Variants in CNPY1 observed in about 807,000 individuals in gnomAD.
CNPY1 encodes the protein canopy FGF signaling regulator 1.
CNPY1 carries 14 observed loss-of-function variants against 14.4 expected under a neutral mutation model. The ratio of observed to expected loss-of-function variants is 0.97; its 90% CI spans 0.64 to 1.52. CNPY1 has a LOEUF of 1.52. Among genes scored for constraint, CNPY1 ranks in the 40% most tolerant of loss-of-function variants. The pLI is 0.00. For missense variants in CNPY1, 129 were observed against 131.5 expected, an observed-to-expected ratio of 0.98 and a Z score of 0.09; for synonymous variants, 43 against 46.5, an observed-to-expected ratio of 0.92 and a Z score of 0.31.
chr7:155,521,236 G>A (rs889499821), intron 2 of CNPY1, among the ~76,000 whole-genome samples: 4 of 152,160 alleles, frequency 2.6e-5, no homozygotes, highest in Non-Finnish European at 5.9e-5. Context: ...CTCTGTGATT[G>A]TAGAGATCAC....
At position 155,501,442 on chromosome 7, in the gene CNPY1, C is replaced by T. The variant is rs573037757; in HGVS notation, c.*1626G>A. 7.2e-5 allele frequency: 11 copies of T among 152,270 alleles called. No homozygotes were observed. In the South Asian group the frequency reaches 8.3e-4, roughly 11 times the overall value. 9.4% of individuals were successfully genotyped at this position (152,270 alleles called of 1,614,324 possible). A position where few individuals can be genotyped will look rare whatever the true frequency, so the allele number is the denominator to read the frequency against. ...TTGGCAACACTTCTACGGTTACGAC[C>T]GTGAACAGTTTTCACTGAAGCTTAC... On this transcript the variant is annotated 3_prime_UTR_variant, in exon 5 of 5. Coordinates refer to ENST00000636446, the MANE Select transcript of CNPY1 (RefSeq NM_001393663.1).
intron 2 of CNPY1, among the ~76,000 whole-genome samples, chr7:155,512,099 T>G (rs1019173901): frequency 2.0e-5 from 3 of 152,132 alleles, no homozygotes; most frequent in African/African-American, 7.2e-5. Flanking sequence ...GAATAGTACT[T>G]GTCAATAAAG....
intron 2 of CNPY1, among the ~76,000 whole-genome samples, chr7:155,515,560 A>G (rs2116703738): frequency 6.6e-6 from 1 of 152,262 alleles, no homozygotes; most frequent in Middle Eastern, 3.4e-3. Context: ...CCTGATGTCC[A>G]GTCACAAATC....
intron 3 of CNPY1, among the ~76,000 whole-genome samples, chr7:155,507,625 A>G (rs183533494): frequency 2.6e-5 from 4 of 152,238 alleles, no homozygotes; most frequent in Non-Finnish European, 4.4e-5. Flanking sequence ...CGCATCTTCA[A>G]TTTCACTGTG....
intron 4 of CNPY1, among the ~76,000 whole-genome samples, chr7:155,505,614 C>T (rs1412535698): frequency 6.6e-6 from 1 of 152,200 alleles, no homozygotes; most frequent in Non-Finnish European, 1.5e-5. Flanking sequence ...CCTCCTGGAG[C>T]ATCTGAGAGA....
intron 2 of CNPY1, among the ~76,000 whole-genome samples, chr7:155,517,700 G>A (rs1796647897): frequency 6.6e-6 from 1 of 152,170 alleles, no homozygotes; most frequent in Non-Finnish European, 1.5e-5. Context: ...CTGGGCTCGG[G>A]GTCCGCCCAA....
intron 2 of CNPY1, among the ~76,000 whole-genome samples, chr7:155,523,788 G>C (rs572590528): frequency 6.6e-6 from 1 of 152,288 alleles, no homozygotes; most frequent in South Asian, 2.1e-4. Context: ...TCAGAAAAAG[G>C]GTCTTTGCAG....
chr7:155,537,870 T>C (rs1410877367), intron 2 of CNPY1, among the ~76,000 whole-genome samples: 1 of 152,242 alleles, frequency 6.6e-6, no homozygotes, highest in Non-Finnish European at 1.5e-5. Context: ...CAAAACTTTA[T>C]GTTTTAAATT....
At chr7:155,518,091 C>T (rs1386967146) in intron 2 of CNPY1, among the ~76,000 whole-genome samples, 2 of 152,180 alleles carry the variant, frequency 1.3e-5, no homozygotes, top group Non-Finnish European at 2.9e-5. Context: ...CCGTGAAGCT[C>T]TCTCTGCCGA....
intron 2 of CNPY1, among the ~76,000 whole-genome samples, chr7:155,542,868 C>G (rs1242002861): frequency 6.6e-6 from 1 of 152,236 alleles, no homozygotes; most frequent in Non-Finnish European, 1.5e-5. Flanking sequence ...TGCACATCTC[C>G]CCTGTCCACA....
intron 2 of CNPY1, among the ~76,000 whole-genome samples, chr7:155,517,691 TGGGC>T (rs1796647534): frequency 6.6e-6 from 1 of 152,214 alleles, no homozygotes; most frequent in Admixed American, 6.5e-5. Flanking sequence ...GTGGGGGCAC[TGGGC>T]TCGGGGTCCG....
At position 155,509,090 on chromosome 7, in the gene CNPY1, A is replaced by AG. The variant is rs1405244840; in HGVS notation, c.106dup (p.Leu36ProfsTer17). 9 of 1,558,630 alleles carry AG rather than the reference A, an allele frequency of 5.8e-6. No individual in the cohort carries two copies. Among genetic ancestry groups the AG allele is most frequent in the African/African-American group, 5.5e-5 (4 of 72,094 alleles). ...CGTTAGGAACGCCTCCGACTGAGCT[A>AG]GGGGGATCTAAGAAGAAAGACAGGG... On this transcript the variant is annotated frameshift_variant, in exon 3 of 5. Coordinates refer to ENST00000636446, the MANE Select transcript of CNPY1 (RefSeq NM_001393663.1). LOFTEE classifies it high-confidence loss of function.
intron 2 of CNPY1, among the ~76,000 whole-genome samples, chr7:155,521,202 C>T (rs1314343351): frequency 6.6e-6 from 1 of 152,172 alleles, no homozygotes; most frequent in East Asian, 1.9e-4. Context: ...TGGAGCGAGC[C>T]TTCCAGGAAA....
rs1238540742 is a variant in CNPY1 at position 155,537,410 on chromosome 7, A to ATT, written c.99+8419_99+8420dup. Reference sequence around the variant, plus strand: ...GGGCCACATCACAGCTTTCTGTGGAATTTTTTTTCTTTTCTTTTTTTTTTT... The same window carrying ATT: ...GGGCCACATCACAGCTTTCTGTGGAATTTTTTTTTTCTTTTCTTTTTTTTTTT... On this transcript the variant is annotated intron_variant, in intron 2 of 4. Transcript: ENST00000636446. 1.2e-3 allele frequency among the ~76,000 whole-genome samples: 178 copies of ATT among 149,058 alleles called. 1 individual carries two copies. Among genetic ancestry groups the ATT allele is most frequent in the East Asian group, 0.012 (60 of 5,066 alleles).
intron 2 of CNPY1, among the ~76,000 whole-genome samples, chr7:155,538,984 A>G (rs981770664): frequency 6.6e-6 from 1 of 152,168 alleles, no homozygotes; most frequent in African/African-American, 2.4e-5. Context: ...ATCAGCAGGA[A>G]TCTGAGCCCC....
intron 2 of CNPY1, among the ~76,000 whole-genome samples, chr7:155,520,345 A>G (rs1796694607): frequency 1.3e-5 from 2 of 150,478 alleles, no homozygotes; most frequent in African/African-American, 2.5e-5. Flanking sequence ...GAGAGCACCC[A>G]CATGCGGTCC....
intron 2 of CNPY1, among the ~76,000 whole-genome samples, chr7:155,527,032 T>A (rs1012212485): frequency 6.7e-5 from 3 of 44,746 alleles, no homozygotes; most frequent in African/African-American, 9.6e-5. Context: ...CTTTTCTTTT[T>A]TCTTTCTTTC....
chr7:155,533,699 T>C (rs892480030), intron 2 of CNPY1: 1 of 152,068 alleles, frequency 6.6e-6, no homozygotes, highest in South Asian at 2.1e-4. Flanking sequence ...GGAGAAGCAA[T>C]AGCTATGGGA....
Position 155,501,964 on chromosome 7 carries a change from TAAGTAACAATA to T in CNPY1, c.*1093_*1103del. 2 of 106,614 alleles carry T rather than the reference TAAGTAACAATA, an allele frequency of 1.9e-5. No individual in the cohort carries two copies. Among genetic ancestry groups the T allele is most frequent in the African/African-American group, 7.8e-5 (2 of 25,760 alleles). The allele number at this position is 106,614 out of a possible 1,614,324, so 6.6% of individuals were successfully genotyped here. A position where few individuals can be genotyped will look rare whatever the true frequency, so the allele number is the denominator to read the frequency against. ...ACACATAATGTGCTTTTTAAGCAAC[TAAGTAACAATA>T]TGGCAAAGAGTTTTGGGTCGGGGGG... On this transcript the variant is annotated 3_prime_UTR_variant, in exon 5 of 5. Transcript: ENST00000636446.
Sources: allele counts gnomAD v4.1 joint callset (sites outside exome capture counted in the v4.1 genomes callset), GRCh38; gene constraint gnomAD v4.1.1; transcripts MANE v1.5; gene names NCBI Gene and HGNC (gene_info 2026-07-23, HGNC 2026-07-21).